The following TENM2 variants were observed in gnomAD, a reference collection of about 807,000 sequenced individuals.
The protein encoded by TENM2 is teneurin transmembrane protein 2, also known as teneurin-2.
TENM2 carries 52 observed loss-of-function variants against 245.2 expected under a neutral mutation model. That is an observed-to-expected ratio of 0.21 (90% CI 0.17 to 0.27). TENM2 has a LOEUF of 0.27. Ranked by LOEUF, TENM2 falls within the 10% of genes least tolerant of loss-of-function variation. The pLI is 1.00. For missense variants in TENM2, 3,046 were observed against 3,666.8 expected (o/e 0.83, Z 4.37); for synonymous variants, 1,363 against 1,438.9 (o/e 0.95, Z 1.19).
chr5:167,522,756 A>C (rs1438857603), intron 2 of TENM2, among the ~76,000 whole-genome samples: 1 of 152,018 alleles, frequency 6.6e-6, no homozygotes, highest in African/African-American at 2.4e-5. Context: ...GGGAGATGGT[A>C]GCTATTAATA....
At chr5:167,104,295 G>A in the TENM2 span, among the ~76,000 whole-genome samples, 1 of 152,094 alleles carries the variant, frequency 6.6e-6, no homozygotes, top group African/African-American at 2.4e-5. Flanking sequence ...AGAGATTTTG[G>A]GCTGGGAAGG....
intron 2 of TENM2, among the ~76,000 whole-genome samples, chr5:167,510,865 AAC>A (rs764080833): frequency 6.6e-6 from 1 of 152,114 alleles, no homozygotes; most frequent in African/African-American, 2.4e-5. Context: ...TATGTTTCCA[AAC>A]ACAGATATTA....
At chr5:167,146,262 C>T in the TENM2 span, among the ~76,000 whole-genome samples, 1 of 152,138 alleles carries the variant, frequency 6.6e-6, no homozygotes, top group Non-Finnish European at 1.5e-5. Flanking sequence ...AGTCAACAGG[C>T]GTTCTGGTTG....
At chr5:168,157,803 A>G (rs1295258707) in intron 12 of TENM2, among the ~76,000 whole-genome samples, 1 of 152,198 alleles carries the variant, frequency 6.6e-6, no homozygotes. Context: ...CAGGTGGGGA[A>G]TAGATGGCTA....
intron 7 of TENM2, among the ~76,000 whole-genome samples, chr5:168,078,687 A>G (rs1791701270): frequency 6.6e-6 from 1 of 152,178 alleles, no homozygotes; most frequent in South Asian, 2.1e-4. Context: ...TAAATAGGGA[A>G]TCCTTTCCCC....
At chr5:168,233,936 G>A (rs1443835780) in intron 25 of TENM2, among the ~76,000 whole-genome samples, 1 of 152,106 alleles carries the variant, frequency 6.6e-6, no homozygotes. Context: ...TCGGCCCCCA[G>A]GATTCAATTA....
At chr5:167,358,870 C>T (rs1306720760) in intron 1 of TENM2, among the ~76,000 whole-genome samples, 2 of 150,194 alleles carry the variant, frequency 1.3e-5, no homozygotes, top group Middle Eastern at 3.2e-3. Flanking sequence ...TTTTTACAGC[C>T]TACCCCATCT....
At chr5:167,145,855 T>C in the TENM2 span, among the ~76,000 whole-genome samples, 4 of 152,342 alleles carry the variant, frequency 2.6e-5, no homozygotes, top group South Asian at 8.3e-4. Context: ...TCAGCACCGC[T>C]GAATAGACAA....
the TENM2 span, among the ~76,000 whole-genome samples, chr5:167,185,020 C>G: frequency 1.5e-4 from 23 of 152,324 alleles, 1 homozygote; most frequent in African/African-American, 4.8e-4. Context: ...GGGGGCAGAA[C>G]TCAGCTTCTT....
chr5:167,370,380 G>C (rs533716194), intron 1 of TENM2, among the ~76,000 whole-genome samples: 55 of 147,514 alleles, frequency 3.7e-4, no homozygotes, highest in African/African-American at 1.2e-3. Context: ...AAGACGTGGA[G>C]AGGATCTGGA....
At chr5:167,934,984 G>T in intron 3 of TENM2, 1 of 897,126 alleles carries the variant, frequency 1.1e-6, no homozygotes, top group Non-Finnish European at 1.3e-6. Context: ...GGGTGGGAAA[G>T]AAAACAGTAG....
At chr5:167,154,255 T>G in the TENM2 span, among the ~76,000 whole-genome samples, 1 of 152,240 alleles carries the variant, frequency 6.6e-6, no homozygotes, top group African/African-American at 2.4e-5. Flanking sequence ...AATAACAGAT[T>G]TAGTTTGGAA....
At chr5:167,559,274 C>T (rs1176887579) in intron 2 of TENM2, among the ~76,000 whole-genome samples, 3 of 152,168 alleles carry the variant, frequency 2.0e-5, no homozygotes, top group Admixed American at 2.0e-4. Flanking sequence ...GTTGTGTCCC[C>T]CTGCAATGTG....
At chr5:167,101,384 C>G in the TENM2 span, among the ~76,000 whole-genome samples, 1 of 152,114 alleles carries the variant, frequency 6.6e-6, no homozygotes, top group Non-Finnish European at 1.5e-5. Flanking sequence ...TACATATTTA[C>G]AAAGCTAAGT....
At chr5:167,399,615 A>G (rs1762255938) in intron 2 of TENM2, among the ~76,000 whole-genome samples, 1 of 152,180 alleles carries the variant, frequency 6.6e-6, no homozygotes, top group Admixed American at 6.5e-5. Flanking sequence ...GTCTGGGTGT[A>G]AAGCTCAGTT....
chr5:168,126,914 C>T, exon 12 of TENM2: 1 of 1,609,008 alleles, frequency 6.2e-7, no homozygotes, highest in Non-Finnish European at 8.5e-7. Context: ...GCCGAGAGGG[C>T]TGGAATGGTG....
At chr5:168,166,104 G>A (rs1758279360) in intron 13 of TENM2, among the ~76,000 whole-genome samples, 1 of 152,110 alleles carries the variant, frequency 6.6e-6, no homozygotes, top group Non-Finnish European at 1.5e-5. Context: ...TTGTTTGGTT[G>A]GGGTGGGGAT....
At chr5:167,755,135 A>G (rs1189744847) in intron 2 of TENM2, 3 of 1,599,200 alleles carry the variant, frequency 1.9e-6, no homozygotes, top group South Asian at 1.1e-5. Flanking sequence ...GAGACCCGGC[A>G]GTACCTCACC....
chr5:167,436,309 A>T, intron 2 of TENM2, among the ~76,000 whole-genome samples: 1 of 151,670 alleles, frequency 6.6e-6, no homozygotes, highest in Admixed American at 6.6e-5. Flanking sequence ...CTGGTCTCGA[A>T]CTCCTGACCT....
Sources: allele counts gnomAD v4.1 joint callset (sites outside exome capture counted in the v4.1 genomes callset), GRCh38; gene constraint gnomAD v4.1.1; transcripts MANE v1.5; gene names NCBI Gene and HGNC (gene_info 2026-07-23, HGNC 2026-07-21).